ADSL: variants seen among roughly 807,000 people sequenced by gnomAD.
The protein encoded by ADSL is adenylosuccinate lyase, also known as adenylosuccinase.
A neutral mutation model predicts 62.1 loss-of-function variants in ADSL; 44 were observed. The observed-to-expected ratio is 0.71, with a 90% CI of 0.56 to 0.91. The LOEUF (loss-of-function observed/expected upper bound fraction) is 0.91. Among genes scored for constraint, ADSL ranks in the 40% least tolerant of loss-of-function variants. The probability of loss-of-function intolerance (pLI) is 0.00; values close to 1 mark genes in which losing one functional copy is unlikely to be tolerated. For synonymous variants in ADSL, 198 were observed against 220.5 expected (o/e 0.90, Z 0.90); for missense variants, 531 against 627.4 (o/e 0.85, Z 1.64).
rs750393308 is a variant in ADSL, at chr22:40,361,499, A to G, written c.874A>G (p.Met292Val). Residue 292 changes from methionine (M) to valine (V), a missense_variant, in exon 9 of 13, where the codon ATG becomes GTG. By Grantham distance (21) the Met-to-Val change is conservative. This residue lies in a region of ADSL where 471 missense variants were observed against 592.9 expected (regional missense o/e 0.79). Transcript: ENST00000623063. The stretch of plus-strand genomic sequence containing the variant: ...TTTTACATGGGCAGGCTCAAGTGCG[A>G]TGCCATATAAGCGGAATCCCATGCG... ...FEKQQIGSSA[M>V]PYKRNPMRSE... 7 of 1,614,086 alleles carry G rather than the reference A, an allele frequency of 4.3e-6. No individual in the cohort carries two copies. In the African/African-American group the frequency reaches 6.7e-5, roughly 15 times the overall value.
At chr22:40,361,677 G>A in intron 9 of ADSL, 42 bp downstream of exon 9, 2 of 1,606,296 alleles carry the variant, frequency 1.2e-6, no homozygotes, top group Non-Finnish European at 1.7e-6. Flanking sequence ...GTTGAGTGGA[G>A]GTCTGAAGGA....
intron 2 of ADSL, among the ~76,000 whole-genome samples, chr22:40,375,608 C>T (rs1601695888): frequency 6.6e-6 from 1 of 151,152 alleles, no homozygotes; most frequent in Non-Finnish European, 1.5e-5. Flanking sequence ...TTGACACCCC[C>T]AATTCAGTGT....
At chr22:40,366,102 G>A (rs2044994716) in intron 12 of ADSL, among the ~76,000 whole-genome samples, 2 of 152,032 alleles carry the variant, frequency 1.3e-5, no homozygotes, top group Non-Finnish European at 2.9e-5. Flanking sequence ...GGGAGGGAGA[G>A]GAGGTTAAGC....
intron 2 of ADSL, among the ~76,000 whole-genome samples, chr22:40,375,795 T>G (rs187583676): frequency 6.6e-6 from 1 of 151,970 alleles, no homozygotes; most frequent in African/African-American, 2.4e-5. Context: ...CCCAGCACTT[T>G]GGGAGGCTGA....
At position 40,353,113 on chromosome 22, in the gene ADSL, C is replaced by G. The variant is rs768217316; in HGVS notation, c.398C>G (p.Pro133Arg). 2 of 1,613,582 alleles carry G rather than the reference C, an allele frequency of 1.2e-6. No individual in the cohort carries two copies. The highest frequency in any genetic ancestry group is 1.1e-5 in the South Asian group (1 of 91,054). Reference protein sequence around the residue: ...ILRNALDLLLPKLARVISRLA... With the variant: ...ILRNALDLLLRKLARVISRLA... The stretch of plus-strand genomic sequence containing the variant: ...AGAAATGCACTTGACCTGCTTTTGC[C>G]AAAGGTAAGGAGTTGGCAGATGTTT... The change falls in exon 3 of 13, where the codon CCA (proline) becomes CGA (arginine). Residue 133 changes from proline to arginine, a missense_variant. Coordinates refer to ENST00000623063, the MANE Select transcript of ADSL (RefSeq NM_000026.4).
At chr22:40,356,782 A>C (rs1044658454) in intron 4 of ADSL, among the ~76,000 whole-genome samples, 1 of 152,128 alleles carries the variant, frequency 6.6e-6, no homozygotes, top group Non-Finnish European at 1.5e-5. Context: ...GATTGAGGCT[A>C]CAGTGAGCTG....
rs1036543748 is a variant in ADSL, at chr22:40,368,070, G to A, written c.*1548G>A. 17 of 152,218 alleles carry A rather than the reference G, an allele frequency of 1.1e-4. 2 individuals are homozygous for A. Among genetic ancestry groups the A allele is most frequent in the Admixed American group, 9.8e-4 (15 of 15,278 alleles). The allele number at this position is 152,218 out of a possible 1,614,324, so 9.4% of individuals were successfully genotyped here. ...AGCCAACCTCCAAAAAGATCTTGTG[G>A]TGGAGGAATGTTAGGGCTCTTTATC... On this transcript the variant is annotated 3_prime_UTR_variant, in exon 13 of 13. Transcript: ENST00000623063.
At chr22:40,370,828 C>T (rs2045278502), downstream of ADSL, 3 of 152,280 alleles carry the variant, frequency 2.0e-5, no homozygotes, top group South Asian at 6.2e-4. Context: ...AGCACCGCCT[C>T]GGGCCGGAGA....
rs1475251951 is a variant in ADSL at position 40,360,454 on chromosome 22, C to T, written c.754C>T (p.Leu252=). 2 of 1,613,998 alleles carry T rather than the reference C, an allele frequency of 1.2e-6. No individual in the cohort carries two copies. Among genetic ancestry groups the T allele is most frequent in the Non-Finnish European group, 1.7e-6 (2 of 1,180,002 alleles). Residue 252 remains leucine (L), a synonymous_variant, in exon 7 of 13, where the codon CTG becomes TTG. Transcript: ENST00000623063. ...TACACGAAAAGTGGATATTGAAGTA[C>T]TGTCTGTGCTGGCTAGCTTGGGGGC... is the stretch of plus-strand genomic sequence containing the variant. The part of the protein sequence containing the change: ...TYTRKVDIEV[L]SVLASLGASV...
intron 2 of ADSL, among the ~76,000 whole-genome samples, chr22:40,350,705 G>C (rs2044313972): frequency 6.6e-6 from 1 of 151,464 alleles, no homozygotes; most frequent in Non-Finnish European, 1.5e-5. Context: ...TGCAACCTCT[G>C]CCTCCCAGGT....
chr22:40,353,114 AAAGGT>A lies in ADSL; in HGVS notation c.402+2_402+6del. ...GAAATGCACTTGACCTGCTTTTGCC[AAAGGT>A]AAGGAGTTGGCAGATGTTTCCTACC... is the stretch of plus-strand genomic sequence containing the variant. On this transcript the variant is annotated splice_donor_variant and coding_sequence_variant, in exon 3 of 13. Coordinates refer to ENST00000623063, the MANE Select transcript of ADSL (RefSeq NM_000026.4). LOFTEE classifies it high-confidence loss of function. 6.2e-7 allele frequency: 1 copy of A among 1,613,700 alleles called. No homozygotes were observed.
intron 2 of ADSL, among the ~76,000 whole-genome samples, chr22:40,386,589 T>A (rs949005785): frequency 3.1e-4 from 45 of 144,368 alleles, no homozygotes; most frequent in South Asian, 1.1e-3. Flanking sequence ...TTTTTTTTTT[T>A]AATAAAAAGA....
intron 2 of ADSL, among the ~76,000 whole-genome samples, chr22:40,384,724 T>G (rs1469453805): frequency 6.6e-6 from 1 of 152,136 alleles, no homozygotes; most frequent in African/African-American, 2.4e-5. Flanking sequence ...GAGTTTGCAG[T>G]AAGCTGAGAT....
rs2044679843 is a variant in ADSL, at chr22:40,359,324, T to C, written c.701+18T>C. 1 of 1,612,846 alleles carries C rather than the reference T, an allele frequency of 6.2e-7. No individual in the cohort carries two copies. The highest frequency in any genetic ancestry group is 8.5e-7 in the Non-Finnish European group (1 of 1,178,964). ...TTTAAGAGGTAGGTAAATGGGAATG[T>C]GTTGGCCTCCCTGTTAAGTTGATGG... On this transcript the variant is annotated intron_variant, in intron 6 of 12. Transcript: ENST00000623063.
chr22:40,373,806 A>G (rs1031398321), downstream of ADSL, among the ~76,000 whole-genome samples: 5 of 151,742 alleles, frequency 3.3e-5, no homozygotes, highest in Non-Finnish European at 5.9e-5. Context: ...AGTAGAGACG[A>G]GGTTTCACCA....
chr22:40,353,048 A>G lies in ADSL; in HGVS notation c.358-25A>G, dbSNP rs924524711. ...TTGTTTGAGCAAAGCTGCTAAATAT[A>G]AGATCATTGCATTTTCTTTCGTAGG... On this transcript the variant is annotated intron_variant, in intron 2 of 12. Transcript: ENST00000623063. 5.6e-6 allele frequency: 9 copies of G among 1,606,660 alleles called. No individual in the cohort carries two copies. In the African/African-American group the frequency reaches 1.2e-4, roughly 21 times the overall value.
rs1601602308 is a variant in ADSL, at chr22:40,366,606, G to T, written c.*84G>T. Reference sequence around the variant, plus strand: ...ACTATAATGCCTTATTTTACCTCGAGAATTGTTACCTTAAATTAGTACAGC... The same window carrying T: ...ACTATAATGCCTTATTTTACCTCGATAATTGTTACCTTAAATTAGTACAGC... On this transcript the variant is annotated 3_prime_UTR_variant, in exon 13 of 13. Coordinates refer to ENST00000623063, the MANE Select transcript of ADSL (RefSeq NM_000026.4). 2 of 994,496 alleles carry T rather than the reference G, an allele frequency of 2.0e-6. No homozygotes were observed. The highest frequency in any genetic ancestry group is 2.5e-5 in the East Asian group (1 of 40,050). The allele number at this position is 994,496 out of a possible 1,614,324, so 61.6% of individuals were successfully genotyped here. A position where few individuals can be genotyped will look rare whatever the true frequency, so the allele number is the denominator to read the frequency against.
Position 40,366,522 on chromosome 22 carries a change from G to T in ADSL, c.1455G>T (p.Ter485TyrextTer16). The change falls in exon 13 of 13, where the codon TAG (stop) becomes TAT (tyrosine). Residue 485 changes from the stop codon to tyrosine, a stop_lost. Coordinates refer to ENST00000623063, the MANE Select transcript of ADSL (RefSeq NM_000026.4). ...VMKVKAELCL[*>Y] The stretch of plus-strand genomic sequence containing the variant: ...AGGTGAAAGCAGAATTATGTCTGTA[G>T]AGTTGGAAGAGAATTAAACGAAAAT... 1 of 1,605,170 alleles carries T rather than the reference G, an allele frequency of 6.2e-7. No individual in the cohort carries two copies. The highest frequency in any genetic ancestry group is 1.1e-5 in the South Asian group (1 of 90,882).
intron 2 of ADSL, among the ~76,000 whole-genome samples, chr22:40,380,617 C>T (rs911065801): frequency 1.3e-5 from 2 of 152,002 alleles, no homozygotes; most frequent in African/African-American, 4.8e-5. Flanking sequence ...TCATTACAGG[C>T]GTGAGTCACT....
Sources: gnomAD v4.1 joint callset for allele counts (sites outside exome capture counted in the v4.1 genomes callset) on GRCh38, gnomAD v4.1.1 for gene constraint, gnomAD v4.1.1 regional missense constraint, MANE v1.5 for transcripts, NCBI Gene and HGNC (gene_info 2026-07-23, HGNC 2026-07-21) for gene names.